Variants in KCTD3 observed in about 807,000 individuals in gnomAD.
KCTD3 encodes the protein BTB/POZ domain-containing protein KCTD3.
KCTD3 carries 41 observed loss-of-function variants against 85.8 expected under a neutral mutation model. The ratio of observed to expected loss-of-function variants is 0.48; its 90% CI spans 0.37 to 0.62. KCTD3 has a LOEUF of 0.62. Ranked by LOEUF, KCTD3 falls within the 20% of genes least tolerant of loss-of-function variation. The probability of loss-of-function intolerance (pLI) is 0.00; values close to 1 mark genes in which losing one functional copy is unlikely to be tolerated. For synonymous variants in KCTD3, 338 were observed against 345.4 expected (o/e 0.98, Z 0.24); for missense variants, 724 against 989.9 (o/e 0.73, Z 3.60).
intron 14 of KCTD3, among the ~76,000 whole-genome samples, chr1:215,609,211 A>G (rs983138549): frequency 2.0e-5 from 3 of 151,984 alleles, no homozygotes; most frequent in African/African-American, 7.2e-5. Flanking sequence ...CAGACAGAGA[A>G]CACACAGAGG....
intron 7 of KCTD3, 23 bp downstream of exon 7, chr1:215,579,160 G>GA: frequency 1.3e-6 from 2 of 1,596,772 alleles, no homozygotes; most frequent in South Asian, 2.2e-5. Context: ...TACAGAAATA[G>GA]AAAAAGAAAA....
chr1:215,574,258 C>T, intron 3 of KCTD3, 140 bp downstream of exon 3: 1 of 500,866 alleles, frequency 2.0e-6, no homozygotes, highest in Non-Finnish European at 3.5e-6. Context: ...TATTTCTTGT[C>T]ATATGTAGTT....
intron 1 of KCTD3, among the ~76,000 whole-genome samples, chr1:215,569,593 C>CTTTT (rs754210465): frequency 3.8e-5 from 5 of 130,512 alleles, no homozygotes; most frequent in East Asian, 2.3e-4. Flanking sequence ...GGCACTGTAA[C>CTTTT]TTTTTTTTTT....
chr1:215,593,164 T>G (rs1660285824), intron 9 of KCTD3, among the ~76,000 whole-genome samples: 1 of 152,232 alleles, frequency 6.6e-6, no homozygotes, highest in African/African-American at 2.4e-5. Flanking sequence ...TAAAATTGTA[T>G]ACAACGTAAA....
At chr1:215,618,109 T>A (rs1274602923) in intron 15 of KCTD3, 1 of 467,396 alleles carries the variant, frequency 2.1e-6, no homozygotes. Flanking sequence ...TCAGTTTGGT[T>A]TCTAGATCCA....
intron 10 of KCTD3, among the ~76,000 whole-genome samples, chr1:215,601,076 T>C (rs1654815448): frequency 6.6e-6 from 1 of 152,188 alleles, no homozygotes; most frequent in Non-Finnish European, 1.5e-5. Flanking sequence ...CAGCCGGGAT[T>C]ACTGGCATGC....
intron 8 of KCTD3, among the ~76,000 whole-genome samples, chr1:215,584,273 T>C (rs1396594135): frequency 6.6e-6 from 1 of 152,230 alleles, no homozygotes; most frequent in Non-Finnish European, 1.5e-5. Flanking sequence ...TTGAAACAAT[T>C]TTCCTATTTT....
At position 215,567,588 on chromosome 1, in the gene KCTD3, T is replaced by C. The variant is rs1659177439; in HGVS notation, c.-98T>C. ...CGCCCTCCGGCCGCCGCCGCCCCGC[T>C]GGCCCTGCAGCCGTCGCCGCTGCCT... On this transcript the variant is annotated 5_prime_UTR_variant, in exon 1 of 18. Transcript: ENST00000259154. The C allele has an allele frequency of 1.7e-6, 1 of 592,150 alleles. No individual in the cohort carries two copies. 36.7% of individuals were successfully genotyped at this position (592,150 alleles called of 1,614,324 possible). A position where few individuals can be genotyped will look rare whatever the true frequency, so the allele number is the denominator to read the frequency against.
Position 215,579,091 on chromosome 1 carries a change from T to A in KCTD3, c.489T>A (p.Gly163=), listed in dbSNP as rs1312550968. 14 of 1,607,368 alleles carry A rather than the reference T, an allele frequency of 8.7e-6. No homozygotes were observed. Among genetic ancestry groups the A allele is most frequent in the Non-Finnish European group, 1.2e-5 (14 of 1,177,812 alleles). Residue 163 remains glycine (G), a synonymous_variant, in exon 7 of 18, where the codon GGT becomes GGA. Coordinates refer to ENST00000259154, the MANE Select transcript of KCTD3 (RefSeq NM_016121.5). ...NSTEGEARGN[G]TQPVLSGTGE... ...CAGAAGGTGAAGCCCGGGGAAATGG[T>A]ACACAGCCTGTTCTCTCTGGAACGG...
intron 10 of KCTD3, among the ~76,000 whole-genome samples, chr1:215,598,707 T>A (rs200859043): frequency 9.7e-5 from 14 of 143,750 alleles, no homozygotes; most frequent in Admixed American, 5.5e-4. Context: ...TGAAAAAAAA[T>A]TTTTAATTTT....
At chr1:215,569,036 T>C (rs528799956) in intron 1 of KCTD3, among the ~76,000 whole-genome samples, 1 of 152,262 alleles carries the variant, frequency 6.6e-6, no homozygotes, top group Non-Finnish European at 1.5e-5. Context: ...GTGTTGATTA[T>C]ACTGAAGAGT....
Position 215,620,339 on chromosome 1 carries a change from T to A in KCTD3, c.2169T>A (p.Asp723Glu). The change falls in exon 18 of 18, where the codon GAT becomes GAA. Residue 723 changes from aspartate (D) to glutamate (E), a missense_variant. Asp to Glu is a conservative substitution (Grantham distance 45). Around this residue, in one of 6 missense-constraint regions of KCTD3, gnomAD observed 222 missense variants for 217.7 expected, o/e 1.02. Coordinates refer to ENST00000259154, the MANE Select transcript of KCTD3 (RefSeq NM_016121.5). ...AAATAAAAAGTTTGAGAGAATTGGATAGTGGATTGGAAGTGCATAAAATAG... is the reference window on the plus strand; with the variant it reads ...AAATAAAAAGTTTGAGAGAATTGGAAAGTGGATTGGAAGTGCATAAAATAG... ...GVEIKSLREL[D>E]SGLEVHKIAE... 6.2e-7 allele frequency: 1 copy of A among 1,613,898 alleles called. No homozygotes were observed. The highest frequency in any genetic ancestry group is 1.3e-5 in the African/African-American group (1 of 75,032).
intron 1 of KCTD3, among the ~76,000 whole-genome samples, chr1:215,573,340 T>A (rs1308092253): frequency 6.6e-6 from 1 of 152,070 alleles, no homozygotes; most frequent in Non-Finnish European, 1.5e-5. Context: ...TCTAGCTGAA[T>A]AAAGATACCA....
chr1:215,577,662 C>A lies in KCTD3; in HGVS notation c.258-8C>A, dbSNP rs370765684. 3.7e-5 allele frequency: 58 copies of A among 1,574,780 alleles called. No homozygotes were observed. The highest frequency in any genetic ancestry group is 4.9e-5 in the Non-Finnish European group (56 of 1,144,686). On this transcript the variant is annotated splice_region_variant and splice_polypyrimidine_tract_variant and intron_variant, in intron 4 of 17. Coordinates refer to ENST00000259154, the MANE Select transcript of KCTD3 (RefSeq NM_016121.5). ...GTTAGAGAATTTACATCATTTGTTT[C>A]TTTGTAGGGGAGTGAGTATTAATGT...
intron 9 of KCTD3, among the ~76,000 whole-genome samples, chr1:215,592,756 T>C (rs1267895067): frequency 6.6e-6 from 1 of 152,208 alleles, no homozygotes; most frequent in Non-Finnish European, 1.5e-5. Flanking sequence ...AGGGCTGGTA[T>C]ATCCATGATA....
rs1336115391 is a variant in KCTD3, at chr1:215,603,279, G to T, written c.1139-853G>T. 3.3e-5 allele frequency among the ~76,000 whole-genome samples: 5 copies of T among 152,166 alleles called. No homozygotes were observed. The East Asian group carries it at 5.8e-4, about 18-fold the overall frequency. ...GGAGTCATCTTTCTGGTTCTAGGAG[G>T]TGTTTTTCATGACATGCTTTTTTTC... is the stretch of plus-strand genomic sequence containing the variant. On this transcript the variant is annotated intron_variant, in intron 12 of 17. Coordinates refer to ENST00000259154, the MANE Select transcript of KCTD3 (RefSeq NM_016121.5).
intron 13 of KCTD3, among the ~76,000 whole-genome samples, chr1:215,604,634 T>C (rs1399099095): frequency 6.6e-6 from 1 of 150,710 alleles, no homozygotes; most frequent in East Asian, 1.9e-4. Flanking sequence ...CTGGTTTTAA[T>C]ATACTTAAAT....
chr1:215,586,478 C>G lies in KCTD3; in HGVS notation c.627-17C>G. The stretch of plus-strand genomic sequence containing the variant: ...TTGCTGCTGAGTCTACCTTATGTGC[C>G]TGTTCTTCCTTAACAGAATCAAAGA... On this transcript the variant is annotated splice_polypyrimidine_tract_variant and intron_variant, in intron 8 of 17. Coordinates refer to ENST00000259154, the MANE Select transcript of KCTD3 (RefSeq NM_016121.5). 1 of 1,594,272 alleles carries G rather than the reference C, an allele frequency of 6.3e-7. No homozygotes were observed. The highest frequency in any genetic ancestry group is 8.6e-7 in the Non-Finnish European group (1 of 1,167,848).
At chr1:215,586,039 C>G (rs1209097062) in intron 8 of KCTD3, among the ~76,000 whole-genome samples, 1 of 152,104 alleles carries the variant, frequency 6.6e-6, no homozygotes, top group Non-Finnish European at 1.5e-5. Context: ...TTAATAAACC[C>G]TGAAAAGCTG....
Sources: gnomAD v4.1 joint callset for allele counts (sites outside exome capture counted in the v4.1 genomes callset) on GRCh38, gnomAD v4.1.1 for gene constraint, gnomAD v4.1.1 regional missense constraint, MANE v1.5 for transcripts, NCBI Gene and HGNC (gene_info 2026-07-23, HGNC 2026-07-21) for gene names.